Variants in PAWR observed in about 807,000 individuals in gnomAD.
PAWR encodes the protein pro-apoptotic WT1 regulator.
Under a neutral mutation model 32.0 loss-of-function variants are expected in PAWR, and 23 were observed. The observed-to-expected ratio is 0.72, with a 90% CI of 0.52 to 1.02. The LOEUF (loss-of-function observed/expected upper bound fraction) is 1.02, where lower values mean the gene tolerates loss of function less well. Among genes scored for constraint, PAWR ranks in the 50% least tolerant of loss-of-function variants. PAWR has a pLI of 0.00. For synonymous variants in PAWR, 226 were observed against 187.1 expected (o/e 1.21, Z -1.70); for missense variants, 457 against 437.7 (o/e 1.04, Z -0.39).
intron 2 of PAWR, among the ~76,000 whole-genome samples, chr12:79,644,553 TAA>T (rs1195391128): frequency 1.3e-5 from 2 of 152,178 alleles, no homozygotes; most frequent in Admixed American, 1.3e-4. Flanking sequence ...AAATAATTGG[TAA>T]AGAGTGCTGT....
chr12:79,592,720 A>C lies in PAWR; in HGVS notation c.937-27T>G, dbSNP rs185438041. 2,381 of 711,850 alleles carry C rather than the reference A, an allele frequency of 3.3e-3. 5 individuals carry two copies. The highest frequency in any genetic ancestry group is 3.8e-3 in the Non-Finnish European group (1,534 of 398,658). The allele number at this position is 711,850 out of a possible 1,614,324, so 44.1% of individuals were successfully genotyped here. On this transcript the variant is annotated intron_variant, in intron 6 of 6. Coordinates refer to ENST00000328827, the MANE Select transcript of PAWR (RefSeq NM_002583.4). ...TTAAGAAAAAAAAAAGACACTTTAA[A>C]AATACTTAAAAATATTTGAGGAGAG... is the stretch of plus-strand genomic sequence containing the variant.
chr12:79,626,698 T>C (rs1875344389), intron 2 of PAWR, among the ~76,000 whole-genome samples: 1 of 151,924 alleles, frequency 6.6e-6, no homozygotes, highest in African/African-American at 2.4e-5. Flanking sequence ...CATTAACTCG[T>C]CATTTAACAT....
At chr12:79,672,792 A>C (rs1380776520) in intron 2 of PAWR, among the ~76,000 whole-genome samples, 2 of 152,126 alleles carry the variant, frequency 1.3e-5, no homozygotes, top group Admixed American at 1.3e-4. Flanking sequence ...AAAATAAAAT[A>C]ATCCTAATTT....
intron 2 of PAWR, among the ~76,000 whole-genome samples, chr12:79,674,760 C>T (rs1314133377): frequency 1.3e-5 from 2 of 152,032 alleles, no homozygotes; most frequent in East Asian, 1.9e-4. Flanking sequence ...CATGAACAGA[C>T]ACTTCTCAAA....
intron 2 of PAWR, among the ~76,000 whole-genome samples, chr12:79,633,956 G>T (rs137951026): frequency 6.6e-6 from 1 of 152,044 alleles, no homozygotes; most frequent in Non-Finnish European, 1.5e-5. Context: ...GAGGTAAGAC[G>T]GGCAGTGTGC....
chr12:79,666,573 A>G (rs1247119569), intron 2 of PAWR, among the ~76,000 whole-genome samples: 4 of 152,204 alleles, frequency 2.6e-5, no homozygotes, highest in Admixed American at 2.6e-4. Context: ...CATGATATGT[A>G]ATATTACAAC....
intron 2 of PAWR, among the ~76,000 whole-genome samples, chr12:79,683,799 AC>A (rs753644186): frequency 2.0e-5 from 3 of 152,190 alleles, no homozygotes; most frequent in Non-Finnish European, 2.9e-5. Flanking sequence ...AACTGTGATT[AC>A]TTTTGCACAA....
chr12:79,604,480 TAA>T (rs1874090111), intron 4 of PAWR: 1 of 1,077,392 alleles, frequency 9.3e-7, no homozygotes, highest in Admixed American at 5.2e-5. Flanking sequence ...AATTTTCCAC[TAA>T]AATAGACATT....
intron 2 of PAWR, among the ~76,000 whole-genome samples, chr12:79,650,456 G>A (rs1046715048): frequency 2.6e-5 from 4 of 151,998 alleles, no homozygotes; most frequent in Non-Finnish European, 5.9e-5. Flanking sequence ...CTGTACATGA[G>A]GATTCATATT....
intron 2 of PAWR, among the ~76,000 whole-genome samples, chr12:79,671,086 T>C (rs73345549): frequency 0.018 from 2,693 of 148,426 alleles, 93 homozygotes; most frequent in African/African-American, 0.063. Context: ...CCTAGGAGTT[T>C]GAGTCTAGCC....
At chr12:79,666,778 C>T (rs901749128) in intron 2 of PAWR, among the ~76,000 whole-genome samples, 1 of 152,080 alleles carries the variant, frequency 6.6e-6, no homozygotes, top group African/African-American at 2.4e-5. Flanking sequence ...TCTAAAATTT[C>T]TTGGTTTTAA....
At chr12:79,660,709 G>C (rs550821869) in intron 2 of PAWR, among the ~76,000 whole-genome samples, 1 of 150,032 alleles carries the variant, frequency 6.7e-6, no homozygotes, top group Non-Finnish European at 1.5e-5. Context: ...TCAGTCTCCC[G>C]AGTAGCTGGG....
chr12:79,607,582 A>G (rs1874238542), intron 4 of PAWR, among the ~76,000 whole-genome samples: 2 of 151,974 alleles, frequency 1.3e-5, no homozygotes, highest in African/African-American at 4.8e-5. Flanking sequence ...TTTAAAAATT[A>G]GCTGGGTGTG....
chr12:79,640,966 G>A (rs1876295944), intron 2 of PAWR, among the ~76,000 whole-genome samples: 1 of 152,102 alleles, frequency 6.6e-6, no homozygotes, highest in Admixed American at 6.5e-5. Context: ...TGTATATTCT[G>A]TTACATTGGC....
chr12:79,641,658 C>A (rs536254511), intron 2 of PAWR, among the ~76,000 whole-genome samples: 143 of 151,836 alleles, frequency 9.4e-4, no homozygotes, highest in African/African-American at 3.2e-3. Flanking sequence ...ACCATCCTGG[C>A]CAACATGGTG....
At chr12:79,613,659 T>A in intron 3 of PAWR, 50 bp from the exon 4 acceptor site, 1 of 927,036 alleles carries the variant, frequency 1.1e-6, no homozygotes, top group Non-Finnish European at 1.7e-6. Flanking sequence ...ATGTACACAA[T>A]TACTTATTAT....
intron 2 of PAWR, among the ~76,000 whole-genome samples, chr12:79,677,082 G>A (rs1042770057): frequency 6.6e-6 from 1 of 152,180 alleles, no homozygotes; most frequent in Non-Finnish European, 1.5e-5. Context: ...TCCTGGCAGT[G>A]CTGGTAACAG....
rs961929481 is a variant in PAWR, at chr12:79,591,910, A to G, written c.*697T>C. On this transcript the variant is annotated 3_prime_UTR_variant, in exon 7 of 7. Coordinates refer to ENST00000328827, the MANE Select transcript of PAWR (RefSeq NM_002583.4). ...GTAGTACCTACATAAGAAATTTTAC[A>G]TTGAAATTACAATTGTATGTTTTTC... is the stretch of plus-strand genomic sequence containing the variant. 2 of 152,572 alleles carry G rather than the reference A, an allele frequency of 1.3e-5. No homozygotes were observed. Among genetic ancestry groups the G allele is most frequent in the African/African-American group, 4.8e-5 (2 of 41,460 alleles). The allele number at this position is 152,572 out of a possible 1,614,324, so 9.5% of individuals were successfully genotyped here.
chr12:79,595,794 G>A (rs1476128463), intron 5 of PAWR, among the ~76,000 whole-genome samples: 1 of 152,162 alleles, frequency 6.6e-6, no homozygotes, highest in East Asian at 1.9e-4. Flanking sequence ...GGAGGTTGCA[G>A]TGAGCCGATA....
Sources: gnomAD v4.1 joint callset for allele counts (sites outside exome capture counted in the v4.1 genomes callset) on GRCh38, gnomAD v4.1.1 for gene constraint, MANE v1.5 for transcripts, NCBI Gene and HGNC (gene_info 2026-07-23, HGNC 2026-07-21) for gene names.